The following OR3A2 variants were observed in gnomAD, a reference collection of about 807,000 sequenced individuals.
OR3A2 encodes olfactory receptor family 3 subfamily A member 2.
For synonymous variants in OR3A2, 126 were observed against 159.3 expected, an observed-to-expected ratio of 0.79 and a Z score of 1.57; for missense variants, 318 against 392.8, an observed-to-expected ratio of 0.81 and a Z score of 1.61.
upstream of OR3A2, among the ~76,000 whole-genome samples, chr17:3,287,763 G>A (rs1031916444): frequency 5.3e-5 from 8 of 151,914 alleles, no homozygotes; most frequent in African/African-American, 1.7e-4. Flanking sequence ...TTGCTTCGTG[G>A]GTGGCAGCAT....
At chr17:3,371,654 C>T (rs1389659153) in intron 2 of OR3A2, among the ~76,000 whole-genome samples, 11 of 129,820 alleles carry the variant, frequency 8.5e-5, no homozygotes, top group East Asian at 2.6e-4. Context: ...CGGGCAGAGG[C>T]GCCCCTCACC....
At chr17:3,348,089 G>A (rs1036789993) in intron 2 of OR3A2, among the ~76,000 whole-genome samples, 12 of 152,024 alleles carry the variant, frequency 7.9e-5, no homozygotes, top group African/African-American at 2.7e-4. Context: ...TTTTGATGGG[G>A]TTGTTTGTTT....
intron 1 of OR3A2, among the ~76,000 whole-genome samples, chr17:3,282,303 G>C (rs1317457816): frequency 6.6e-6 from 1 of 152,222 alleles, no homozygotes; most frequent in Admixed American, 6.5e-5. Context: ...CTACTCCGGA[G>C]GCTGAGGCAG....
chr17:3,292,639 T>C, intron 3 of OR3A2: 3 of 1,424,792 alleles, frequency 2.1e-6, no homozygotes, highest in Non-Finnish European at 2.9e-6. Context: ...CAATAATTTA[T>C]TTACTCAAGA....
chr17:3,359,571 T>TATTTTTC (rs2049492186), intron 2 of OR3A2, among the ~76,000 whole-genome samples: 1 of 151,746 alleles, frequency 6.6e-6, no homozygotes, highest in Non-Finnish European at 1.5e-5. Context: ...GGTTGAAGAT[T>TATTTTTC]ATTTTTCTCT....
intron 1 of OR3A2, among the ~76,000 whole-genome samples, chr17:3,283,860 TAG>T (rs2048791870): frequency 6.8e-6 from 1 of 147,916 alleles, no homozygotes. Context: ...CTCAGACAGC[TAG>T]AGATACAATT....
intron 2 of OR3A2, among the ~76,000 whole-genome samples, chr17:3,367,444 T>C (rs1193152645): frequency 1.3e-5 from 2 of 151,222 alleles, no homozygotes; most frequent in African/African-American, 2.4e-5. Context: ...CTCCCACTTA[T>C]GAGTGAGAAC....
chr17:3,293,204 C>G (rs1410872710), intron 3 of OR3A2, among the ~76,000 whole-genome samples: 1 of 147,546 alleles, frequency 6.8e-6, no homozygotes, highest in Non-Finnish European at 1.5e-5. Flanking sequence ...AAAACAAAAC[C>G]AAAGCTCTTG....
At chr17:3,303,964 A>AAT (rs199766708) in intron 3 of OR3A2, among the ~76,000 whole-genome samples, 38 of 117,880 alleles carry the variant, frequency 3.2e-4, no homozygotes, top group Middle Eastern at 8.0e-3. Context: ...TTTTGGTACT[A>AAT]ATATATATAT....
upstream of OR3A2, among the ~76,000 whole-genome samples, chr17:3,286,493 T>G (rs2048814723): frequency 6.6e-6 from 1 of 152,208 alleles, no homozygotes. Flanking sequence ...ATCGCCACAC[T>G]GTCTTCCACA....
intron 3 of OR3A2, among the ~76,000 whole-genome samples, chr17:3,314,550 G>A (rs1028030182): frequency 2.0e-5 from 3 of 152,140 alleles, no homozygotes; most frequent in Non-Finnish European, 2.9e-5. Flanking sequence ...AGCTGCACAC[G>A]GTGATTCCCT....
chr17:3,384,680 C>T (rs1180170746), intron 1 of OR3A2, among the ~76,000 whole-genome samples: 2 of 152,168 alleles, frequency 1.3e-5, no homozygotes, highest in Non-Finnish European at 2.9e-5. Flanking sequence ...ATTCATCTTC[C>T]TGCTCTCTAC....
At chr17:3,290,245 G>A (rs1169219063) in intron 3 of OR3A2, among the ~76,000 whole-genome samples, 2 of 152,162 alleles carry the variant, frequency 1.3e-5, no homozygotes, top group Non-Finnish European at 2.9e-5. Flanking sequence ...CATCTCTCAT[G>A]TGTGACCCAC....
rs1296011078 is a variant in OR3A2 at position 3,279,108 on chromosome 17, C to T, written c.-6-185G>A. On this transcript the variant is annotated intron_variant, in intron 1 of 1. In the 5' UTR this introduces an upstream ATG that the reference lacks. Transcript: ENST00000642052. ...TTGGTTGACATGCCCAATGACACCA[C>T]CACCTTGTCCTCCTCATCCTCTGCT... 3.4e-6 allele frequency: 3 copies of T among 877,786 alleles called. No individual in the cohort carries two copies. The highest frequency in any genetic ancestry group is 3.4e-5 in the African/African-American group (2 of 58,712). 54.4% of individuals were successfully genotyped at this position (877,786 alleles called of 1,614,324 possible). A position where few individuals can be genotyped will look rare whatever the true frequency, so the allele number is the denominator to read the frequency against.
chr17:3,332,482 CCT>C (rs1297274720), intron 3 of OR3A2, among the ~76,000 whole-genome samples: 1 of 152,220 alleles, frequency 6.6e-6, no homozygotes, highest in Non-Finnish European at 1.5e-5. Context: ...GTCCGTCACC[CCT>C]TTCTTTGACT....
upstream of OR3A2, among the ~76,000 whole-genome samples, chr17:3,285,286 G>A (rs949174316): frequency 2.0e-5 from 3 of 152,098 alleles, no homozygotes; most frequent in East Asian, 5.8e-4. Flanking sequence ...GGGAGTTGTG[G>A]TGCAGTAGAA....
intron 2 of OR3A2, among the ~76,000 whole-genome samples, chr17:3,346,309 A>T: frequency 6.6e-6 from 1 of 152,194 alleles, no homozygotes; most frequent in Middle Eastern, 3.2e-3. Context: ...ATATTTTGAT[A>T]TAGGCAGGCA....
At chr17:3,324,983 T>A (rs774788807) in intron 3 of OR3A2, among the ~76,000 whole-genome samples, 2 of 152,142 alleles carry the variant, frequency 1.3e-5, no homozygotes, top group Non-Finnish European at 2.9e-5. Flanking sequence ...GTCAAGCATA[T>A]GCACATTTTA....
intron 2 of OR3A2, among the ~76,000 whole-genome samples, chr17:3,349,572 C>A (rs185897701): frequency 9.1e-4 from 139 of 152,272 alleles, no homozygotes; most frequent in Non-Finnish European, 1.3e-3. Context: ...GACTCCCACA[C>A]ATTAATAATA....
Sources: allele counts gnomAD v4.1 joint callset (sites outside exome capture counted in the v4.1 genomes callset), GRCh38; gene constraint gnomAD v4.1.1; transcripts MANE v1.5; gene names NCBI Gene and HGNC (gene_info 2026-07-23, HGNC 2026-07-21).